Variants in KIAA1958 observed in about 807,000 individuals in gnomAD.
KIAA1958 encodes the protein KIAA1958, also known as uncharacterized protein KIAA1958.
Under a neutral mutation model 47.2 loss-of-function variants are expected in KIAA1958, and 14 were observed. That is an observed-to-expected ratio of 0.30 (90% CI 0.20 to 0.46). The LOEUF (loss-of-function observed/expected upper bound fraction) is 0.46, where lower values mean the gene tolerates loss of function less well. Among genes scored for constraint, KIAA1958 ranks in the 20% least tolerant of loss-of-function variants. The pLI, the probability that KIAA1958 is intolerant of heterozygous loss-of-function variation, is 1.00. For synonymous variants in KIAA1958, 354 were observed against 353.3 expected (o/e 1.00, Z -0.02); for missense variants, 803 against 909.2 (o/e 0.88, Z 1.50).
At chr9:112,630,029 A>G (rs1360831063) in intron 2 of KIAA1958, among the ~76,000 whole-genome samples, 1 of 152,232 alleles carries the variant, frequency 6.6e-6, no homozygotes, top group Non-Finnish European at 1.5e-5. Context: ...GCCTCAGGAT[A>G]TACAGTCAAT....
chr9:112,574,631 C>T lies in KIAA1958; in HGVS notation c.551C>T (p.Ser184Leu). Residue 184 changes from serine to leucine, a missense_variant, in exon 2 of 4, where the codon TCA becomes TTA. Physicochemically the swap from Ser to Leu is moderately radical, Grantham distance 145. Coordinates refer to ENST00000337530, the MANE Select transcript of KIAA1958 (RefSeq NM_133465.4). ...RPGVVPSSLH[S>L]SSQTQMVDEC... is the part of the protein sequence containing the mutation. ...GGGGTAGTCCCATCTTCCCTCCATT[C>T]AAGCTCCCAGACGCAGATGGTTGAC... is the stretch of plus-strand genomic sequence containing the variant. 6.2e-7 allele frequency: 1 copy of T among 1,614,198 alleles called. No homozygotes were observed.
intron 1 of KIAA1958, among the ~76,000 whole-genome samples, chr9:112,487,857 C>CTT (rs10629493): frequency 0.95 from 141,599 of 149,064 alleles, 67,308 homozygotes; most frequent in South Asian, 0.98. Context: ...TCCTTCAAGT[C>CTT]TTTTTTTTTC....
chr9:112,588,670 A>G (rs780273272), intron 2 of KIAA1958, among the ~76,000 whole-genome samples: 76 of 152,274 alleles, frequency 5.0e-4, no homozygotes, highest in Non-Finnish European at 9.3e-4. Context: ...CTTTCTTGAC[A>G]AGAGAACAGT....
At chr9:112,568,379 G>T (rs927607236) in intron 1 of KIAA1958, among the ~76,000 whole-genome samples, 1 of 152,142 alleles carries the variant, frequency 6.6e-6, no homozygotes, top group Non-Finnish European at 1.5e-5. Flanking sequence ...TGTATGAAAA[G>T]GATATCTCTT....
intron 1 of KIAA1958, among the ~76,000 whole-genome samples, chr9:112,516,736 G>A (rs1834442486): frequency 6.6e-6 from 1 of 152,078 alleles, no homozygotes; most frequent in African/African-American, 2.4e-5. Flanking sequence ...GTGTGCTACT[G>A]GTATAAGAAT....
At position 112,567,959 on chromosome 9, in the gene KIAA1958, CAAAAAAAAAAA is replaced by C. The variant is rs35931681; in HGVS notation, c.-24-6083_-24-6073del. Among the ~76,000 whole-genome samples, 23 of 66,178 alleles carry C rather than the reference CAAAAAAAAAAA, an allele frequency of 3.5e-4. 1 individual carries two copies. The Admixed American group carries it at 3.9e-3, about 11-fold the overall frequency. 43.4% of individuals were successfully genotyped at this position (66,178 alleles called of 152,430 possible). A position where few individuals can be genotyped will look rare whatever the true frequency, so the allele number is the denominator to read the frequency against. ...TGGGCGACAGAGCGAGAATCCATCTCAAAAAAAAAAAAAAAAAAAAAAAAATCCCGAAAATA... is the reference window on the plus strand; with the variant it reads ...TGGGCGACAGAGCGAGAATCCATCTCAAAAAAAAAAAAAATCCCGAAAATA... On this transcript the variant is annotated intron_variant, in intron 1 of 3. Coordinates refer to ENST00000337530, the MANE Select transcript of KIAA1958 (RefSeq NM_133465.4).
At chr9:112,574,012 T>C in intron 1 of KIAA1958, 45 bp from the exon 2 acceptor site, 1 of 1,011,228 alleles carries the variant, frequency 9.9e-7, no homozygotes, top group Admixed American at 2.3e-5. Context: ...GCTATAGGAT[T>C]ATCTTGGGTA....
At chr9:112,638,332 C>G (rs964674723) in intron 2 of KIAA1958, among the ~76,000 whole-genome samples, 3 of 151,524 alleles carry the variant, frequency 2.0e-5, no homozygotes, top group Non-Finnish European at 4.4e-5. Context: ...AGTGAGACCC[C>G]TGTCACTACA....
intron 1 of KIAA1958, among the ~76,000 whole-genome samples, chr9:112,517,259 T>C (rs1297049562): frequency 1.7e-4 from 26 of 152,338 alleles, no homozygotes; most frequent in Admixed American, 1.6e-3. Context: ...CCAGTTGATA[T>C]TTGACAAAGG....
chr9:112,659,344 A>G lies in KIAA1958; in HGVS notation c.1426A>G (p.Thr476Ala), dbSNP rs948980364. 1.9e-6 allele frequency: 3 copies of G among 1,613,900 alleles called. No individual in the cohort carries two copies. The highest frequency in any genetic ancestry group is 2.5e-6 in the Non-Finnish European group (3 of 1,180,006). ...GAGCGACGGCTCGGACTTCCTGGCC[A>G]CCTCGCTCCATGCTATTCGCCGAGG... Reference protein sequence around the residue: ...KKSDGSDFLATSLHAIRRGLD... With the variant: ...KKSDGSDFLAASLHAIRRGLD... Residue 476 changes from threonine (T) to alanine (A), a missense_variant, in exon 4 of 4, where the codon ACC (threonine) becomes GCC (alanine). By Grantham distance (58) the Thr-to-Ala change is moderately conservative. Around this residue, in one of 2 missense-constraint regions of KIAA1958, gnomAD observed 761 missense variants for 829.3 expected, o/e 0.92. Transcript: ENST00000337530.
chr9:112,529,033 A>C (rs1262582353), intron 1 of KIAA1958, among the ~76,000 whole-genome samples: 1 of 152,264 alleles, frequency 6.6e-6, no homozygotes, highest in Non-Finnish European at 1.5e-5. Context: ...CCAGTTTTAC[A>C]AAGCATATAT....
intron 1 of KIAA1958, among the ~76,000 whole-genome samples, chr9:112,530,682 A>G (rs1051796268): frequency 3.3e-5 from 5 of 152,226 alleles, no homozygotes; most frequent in Admixed American, 1.3e-4. Flanking sequence ...TTCGCAAATC[A>G]TATTAGAGAA....
rs1835608113 is a variant in KIAA1958 at position 112,574,726 on chromosome 9, A to G, written c.646A>G (p.Asn216Asp). Residue 216 changes from asparagine to aspartate, a missense_variant, in exon 2 of 4, where the codon AAT becomes GAT. By Grantham distance (23) the Asn-to-Asp change is conservative (BLOSUM62 1). Around this residue, in one of 2 missense-constraint regions of KIAA1958, gnomAD observed 761 missense variants for 829.3 expected, o/e 0.92. Coordinates refer to ENST00000337530, the MANE Select transcript of KIAA1958 (RefSeq NM_133465.4). ...EIPEDYYIVA[N>D]AELTGGVDGP... ...CCCCGAAGATTATTACATTGTGGCA[A>G]ATGCAGAACTGACAGGAGGAGTAGA... 6.2e-7 allele frequency: 1 copy of G among 1,614,182 alleles called. No individual in the cohort carries two copies. Among genetic ancestry groups the G allele is most frequent in the Non-Finnish European group, 8.5e-7 (1 of 1,180,026 alleles).
At chr9:112,489,497 G>A (rs548016507) in intron 1 of KIAA1958, among the ~76,000 whole-genome samples, 1 of 150,564 alleles carries the variant, frequency 6.6e-6, no homozygotes, top group Non-Finnish European at 1.5e-5. Flanking sequence ...TGACTGATAG[G>A]TAGATAAGAA....
At chr9:112,545,597 T>C (rs112012589) in intron 1 of KIAA1958, among the ~76,000 whole-genome samples, 189 of 152,334 alleles carry the variant, frequency 1.2e-3, no homozygotes, top group African/African-American at 4.4e-3. Flanking sequence ...TAAATGGAAA[T>C]GCTATCATCC....
At chr9:112,502,536 A>C (rs1564150822) in intron 1 of KIAA1958, among the ~76,000 whole-genome samples, 1 of 152,234 alleles carries the variant, frequency 6.6e-6, no homozygotes, top group Non-Finnish European at 1.5e-5. Context: ...TAAATGTTCC[A>C]GTTGCCCTGC....
intron 1 of KIAA1958, among the ~76,000 whole-genome samples, chr9:112,539,877 G>A (rs1372211439): frequency 2.6e-5 from 4 of 151,772 alleles, no homozygotes; most frequent in African/African-American, 9.7e-5. Flanking sequence ...TTTTTTGAGT[G>A]ACGGGGTTTC....
chr9:112,567,217 G>A (rs1349453824), intron 1 of KIAA1958, among the ~76,000 whole-genome samples: 2 of 151,840 alleles, frequency 1.3e-5, no homozygotes, highest in African/African-American at 4.8e-5. Flanking sequence ...CCTAAGACAG[G>A]GTGAAACAAA....
chr9:112,530,746 G>T (rs997987160), intron 1 of KIAA1958, among the ~76,000 whole-genome samples: 1 of 152,112 alleles, frequency 6.6e-6, no homozygotes, highest in Non-Finnish European at 1.5e-5. Context: ...TAGCTGAACG[G>T]ATATCATTAT....
Sources: allele counts gnomAD v4.1 joint callset (sites outside exome capture counted in the v4.1 genomes callset), GRCh38; gene constraint gnomAD v4.1.1; regional missense constraint gnomAD v4.1.1; transcripts MANE v1.5; gene names NCBI Gene and HGNC (gene_info 2026-07-23, HGNC 2026-07-21).